The following SYN2 variants were observed in gnomAD, a reference collection of about 807,000 sequenced individuals.
SYN2 encodes synapsin II.
In SYN2, 19 loss-of-function variants were observed where a neutral mutation model predicts 50.9. That is an observed-to-expected ratio of 0.37 (90% CI 0.26 to 0.55). The LOEUF (loss-of-function observed/expected upper bound fraction) is 0.55. SYN2 is among the 20% of genes least tolerant of loss of function. The pLI, the probability that SYN2 is intolerant of heterozygous loss-of-function variation, is 0.81. For missense variants in SYN2, 587 were observed against 576.4 expected, an observed-to-expected ratio of 1.02 and a Z score of -0.19; for synonymous variants, 255 against 224.9, an observed-to-expected ratio of 1.13 and a Z score of -1.20.
chr3:12,084,497 A>G (rs895127125), intron 1 of SYN2, among the ~76,000 whole-genome samples: 1 of 152,168 alleles, frequency 6.6e-6, no homozygotes, highest in Non-Finnish European at 1.5e-5. Flanking sequence ...ATTTATCACC[A>G]CTAGACTTGG....
At chr3:12,146,207 T>A (rs1697147877) in intron 4 of SYN2, among the ~76,000 whole-genome samples, 2 of 152,212 alleles carry the variant, frequency 1.3e-5, no homozygotes, top group Non-Finnish European at 2.9e-5. Context: ...TGTCTGTTTC[T>A]TGCCTCCTAG....
At chr3:12,104,857 C>G (rs566311613) in intron 1 of SYN2, among the ~76,000 whole-genome samples, 2 of 152,244 alleles carry the variant, frequency 1.3e-5, no homozygotes, top group South Asian at 4.1e-4. Context: ...GCGTGAGCCA[C>G]CGCACCTGGC....
chr3:12,082,253 A>G (rs1695598778), intron 1 of SYN2, among the ~76,000 whole-genome samples: 1 of 152,208 alleles, frequency 6.6e-6, no homozygotes, highest in Non-Finnish European at 1.5e-5. Flanking sequence ...AGGAAAGTTC[A>G]TTAGACTCAG....
In SYN2 at chr3:12,161,533, C is replaced by G. The variant is rs1697648770; in HGVS notation, c.775-13C>G. The G allele has an allele frequency of 1.2e-6, 2 of 1,613,952 alleles. No individual in the cohort carries two copies. The highest frequency in any genetic ancestry group is 2.7e-5 in the African/African-American group (2 of 75,044). ...ACACTCTGACAGTTTATTCATTTCT[C>G]TTCTGATTTCAGCTGACACTGCCCA... On this transcript the variant is annotated splice_polypyrimidine_tract_variant and intron_variant, in intron 5 of 12. Coordinates refer to ENST00000621198, the MANE Select transcript of SYN2 (RefSeq NM_133625.6).
intron 1 of SYN2, among the ~76,000 whole-genome samples, chr3:12,012,148 G>A (rs1422323714): frequency 1.3e-5 from 2 of 151,616 alleles, no homozygotes; most frequent in African/African-American, 4.9e-5. Context: ...TTTTTCAAAA[G>A]GCAATATAAC....
intron 1 of SYN2, among the ~76,000 whole-genome samples, chr3:12,076,874 T>C (rs191475766): frequency 5.9e-5 from 9 of 152,260 alleles, no homozygotes; most frequent in Admixed American, 3.3e-4. Context: ...CAAATGCCTC[T>C]GTAGTGACAG....
intron 1 of SYN2, among the ~76,000 whole-genome samples, chr3:12,034,159 G>C (rs1007454771): frequency 1.3e-5 from 2 of 152,136 alleles, no homozygotes; most frequent in Non-Finnish European, 2.9e-5. Context: ...GCAATTTATG[G>C]TTCCACTTTC....
intron 3 of SYN2, among the ~76,000 whole-genome samples, chr3:12,145,317 A>G (rs1471226052): frequency 6.6e-6 from 1 of 152,188 alleles, no homozygotes; most frequent in Non-Finnish European, 1.5e-5. Context: ...CGAGAGGATC[A>G]CTTGAGCCCA....
At chr3:12,147,301 T>C (rs1335988359) in intron 4 of SYN2, among the ~76,000 whole-genome samples, 1 of 152,136 alleles carries the variant, frequency 6.6e-6, no homozygotes, top group African/African-American at 2.4e-5. Context: ...TCTTTTTCCT[T>C]TTGAAGCCAG....
chr3:12,190,667 A>T lies in SYN2; in HGVS notation c.*42A>T. ...GGCACCCAGCCCAACCGGGAAAGGCATCTAAGACATTCACCAACAACAGTC... is the reference window on the plus strand; with the variant it reads ...GGCACCCAGCCCAACCGGGAAAGGCTTCTAAGACATTCACCAACAACAGTC... On this transcript the variant is annotated 3_prime_UTR_variant, in exon 13 of 13. Coordinates refer to ENST00000621198, the MANE Select transcript of SYN2 (RefSeq NM_133625.6). The T allele has an allele frequency of 2.5e-6, 4 of 1,598,796 alleles. No homozygotes were observed. Among genetic ancestry groups the T allele is most frequent in the Non-Finnish European group, 3.4e-6 (4 of 1,172,954 alleles).
chr3:12,037,703 G>A (rs1399031039), intron 1 of SYN2, among the ~76,000 whole-genome samples: 2 of 152,166 alleles, frequency 1.3e-5, no homozygotes, highest in Non-Finnish European at 2.9e-5. Flanking sequence ...CCATTCATGA[G>A]GCCTCACGAC....
At chr3:12,158,234 G>T (rs535971873) in intron 5 of SYN2, among the ~76,000 whole-genome samples, 8 of 152,288 alleles carry the variant, frequency 5.3e-5, no homozygotes, top group Middle Eastern at 3.4e-3. Flanking sequence ...GGAATTTAAG[G>T]GTGTGAGGGA....
chr3:12,159,934 T>G (rs1349286672), intron 5 of SYN2, among the ~76,000 whole-genome samples: 1 of 147,128 alleles, frequency 6.8e-6, no homozygotes, highest in East Asian at 2.1e-4. Flanking sequence ...TCCCAGGTAC[T>G]CAGGAGGCTG....
At chr3:12,180,975 G>A (rs1005200788) in intron 10 of SYN2, among the ~76,000 whole-genome samples, 3 of 152,162 alleles carry the variant, frequency 2.0e-5, no homozygotes, top group African/African-American at 7.2e-5. Flanking sequence ...AGGAACCTTA[G>A]CATTCATCCA....
intron 1 of SYN2, among the ~76,000 whole-genome samples, chr3:12,110,295 A>G (rs1215260468): frequency 1.3e-5 from 2 of 152,202 alleles, no homozygotes; most frequent in African/African-American, 2.4e-5. Flanking sequence ...GTGGGTTCCC[A>G]TGGTCTTGGG....
intron 1 of SYN2, among the ~76,000 whole-genome samples, chr3:12,106,917 A>G (rs1319037136): frequency 6.6e-6 from 1 of 152,100 alleles, no homozygotes; most frequent in African/African-American, 2.4e-5. Context: ...GCTGATTTAC[A>G]TCAATATCTT....
In SYN2 at chr3:12,153,313, T is replaced by G. The variant is rs1207702049; in HGVS notation, c.774+1987T>G. On this transcript the variant is annotated intron_variant, in intron 5 of 12. Coordinates refer to ENST00000621198, the MANE Select transcript of SYN2 (RefSeq NM_133625.6). ...GCTACAAGGCTAGACTAATGGGGTT[T>G]GGGAGGCAGGGGCAACAGGCTGAGG... is the stretch of plus-strand genomic sequence containing the variant. 13 of 618,250 alleles carry G rather than the reference T, an allele frequency of 2.1e-5. No individual in the cohort carries two copies. The African/African-American group carries it at 2.2e-4, about 10-fold the overall frequency. 38.3% of individuals were successfully genotyped at this position (618,250 alleles called of 1,614,324 possible).
At chr3:12,179,788 T>C (rs575505236) in intron 10 of SYN2, among the ~76,000 whole-genome samples, 49 of 152,310 alleles carry the variant, frequency 3.2e-4, no homozygotes, top group African/African-American at 1.1e-3. Flanking sequence ...TGCTCTCTCA[T>C]GAGGCTTGAT....
intron 1 of SYN2, among the ~76,000 whole-genome samples, chr3:12,125,842 GAAAAA>G (rs5846749): frequency 8.7e-5 from 12 of 138,014 alleles, no homozygotes; most frequent in Admixed American, 3.6e-4. Context: ...GTCTAAAAGT[GAAAAA>G]AAAAAAAAAA....
Sources: gnomAD v4.1 joint callset for allele counts (sites outside exome capture counted in the v4.1 genomes callset) on GRCh38, gnomAD v4.1.1 for gene constraint, MANE v1.5 for transcripts, NCBI Gene and HGNC (gene_info 2026-07-23, HGNC 2026-07-21) for gene names.